The following PRIM2 variants were observed in gnomAD, a reference collection of about 807,000 sequenced individuals.
PRIM2 encodes DNA primase large subunit.
A neutral mutation model predicts 67.3 loss-of-function variants in PRIM2; 39 were observed. The ratio of observed to expected loss-of-function variants is 0.58; its 90% CI spans 0.45 to 0.76. The LOEUF (loss-of-function observed/expected upper bound fraction) is 0.76, where lower values mean the gene tolerates loss of function less well. Ranked by LOEUF, PRIM2 falls within the 30% of genes least tolerant of loss-of-function variation. The pLI, the probability that PRIM2 is intolerant of heterozygous loss-of-function variation, is 0.00. For synonymous variants in PRIM2, 143 were observed against 198.7 expected, an observed-to-expected ratio of 0.72 and a Z score of 2.36; for missense variants, 398 against 598.7, an observed-to-expected ratio of 0.66 and a Z score of 3.50.
chr6:57,496,090 C>T (rs1773998174), intron 7 of PRIM2, among the ~76,000 whole-genome samples: 1 of 152,006 alleles, frequency 6.6e-6, no homozygotes, highest in Non-Finnish European at 1.5e-5. Context: ...TAATGAAAGT[C>T]CAAATTGGGG....
chr6:57,336,806 G>A (rs1455074253), intron 5 of PRIM2, among the ~76,000 whole-genome samples: 10 of 152,108 alleles, frequency 6.6e-5, no homozygotes, highest in South Asian at 2.1e-4. Context: ...ATCAACTAAC[G>A]AGCAAAATAA....
the PRIM2 span, among the ~76,000 whole-genome samples, chr6:57,288,561 TAG>T: frequency 6.6e-6 from 1 of 151,974 alleles, no homozygotes; most frequent in Admixed American, 6.6e-5. Context: ...AGACACCTCA[TAG>T]AGACAGGGGG....
rs558521903 is a variant in PRIM2, at chr6:57,355,365, A to G, written c.460-24536A>G. Among the ~76,000 whole-genome samples, 690 of 152,142 alleles carry G rather than the reference A, an allele frequency of 4.5e-3. 5 individuals carry two copies. Among genetic ancestry groups the G allele is most frequent in the African/African-American group, 0.016 (663 of 41,524 alleles). On this transcript the variant is annotated intron_variant, in intron 5 of 13. Coordinates refer to ENST00000615550, the MANE Select transcript of PRIM2 (RefSeq NM_000947.5). ...AAAAAAGAATATTTAACAGACAGGT[A>G]TGCCACGCTCCCTTTATAGGTTACC...
the PRIM2 span, among the ~76,000 whole-genome samples, chr6:57,301,873 C>A: frequency 2.0e-5 from 3 of 152,172 alleles, no homozygotes; most frequent in African/African-American, 7.2e-5. Flanking sequence ...AATAAACCTG[C>A]AGATTATTAA....
intron 10 of PRIM2, among the ~76,000 whole-genome samples, chr6:57,586,453 T>C (rs1203523444): frequency 6.6e-6 from 1 of 152,142 alleles, no homozygotes; most frequent in Non-Finnish European, 1.5e-5. Context: ...TTATGTTACA[T>C]TTAATGATGG....
chr6:57,359,981 A>G (rs1769144664), intron 5 of PRIM2, among the ~76,000 whole-genome samples: 3 of 152,200 alleles, frequency 2.0e-5, no homozygotes, highest in African/African-American at 7.2e-5. Flanking sequence ...CAGCTTTATT[A>G]TGTTTAGGAC....
intron 5 of PRIM2, among the ~76,000 whole-genome samples, chr6:57,371,676 A>G (rs1020878736): frequency 6.6e-6 from 1 of 152,206 alleles, no homozygotes; most frequent in Non-Finnish European, 1.5e-5. Flanking sequence ...AATTTGAAAT[A>G]TATTTTTATA....
intron 7 of PRIM2, among the ~76,000 whole-genome samples, chr6:57,427,696 G>C (rs1771677971): frequency 1.3e-5 from 2 of 152,196 alleles, no homozygotes; most frequent in Admixed American, 1.3e-4. Context: ...TTTTTTTGGG[G>C]GGAGATTGTT....
chr6:57,591,197 A>T (rs1422143075), intron 10 of PRIM2, among the ~76,000 whole-genome samples: 1 of 152,240 alleles, frequency 6.6e-6, no homozygotes, highest in Non-Finnish European at 1.5e-5. Context: ...ATTTAGTTAC[A>T]TAAGAATTTA....
intron 10 of PRIM2, among the ~76,000 whole-genome samples, chr6:57,574,367 A>G (rs1775923419): frequency 6.6e-6 from 1 of 151,808 alleles, no homozygotes; most frequent in Admixed American, 6.6e-5. Context: ...TGCTTTCACT[A>G]CTATTGCCTC....
Position 57,591,275 on chromosome 6 carries a change from A to T in PRIM2, c.1021-9818A>T, listed in dbSNP as rs1456385268. On this transcript the variant is annotated intron_variant, in intron 10 of 13. Transcript: ENST00000615550. ...TTATTAAAATTATACATTAGACTTT[A>T]AGGTAGTGACTCAAGACAACATAAT... Among the ~76,000 whole-genome samples, 216 of 152,314 alleles carry T rather than the reference A, an allele frequency of 1.4e-3. 2 individuals carry two copies. Among genetic ancestry groups the T allele is most frequent in the African/African-American group, 3.8e-3 (160 of 41,578 alleles).
the PRIM2 span, among the ~76,000 whole-genome samples, chr6:57,280,037 A>G: frequency 6.6e-6 from 1 of 152,334 alleles, no homozygotes; most frequent in Non-Finnish European, 1.5e-5. Flanking sequence ...AGACCAGATA[A>G]CATGAGGCCC....
the PRIM2 span, among the ~76,000 whole-genome samples, chr6:57,290,472 C>G: frequency 6.6e-6 from 1 of 152,164 alleles, no homozygotes; most frequent in Non-Finnish European, 1.5e-5. Context: ...CAAGGATATC[C>G]AGGACTTGAA....
intron 5 of PRIM2, among the ~76,000 whole-genome samples, chr6:57,355,013 AAC>A (rs1768980046): frequency 1.3e-5 from 2 of 152,292 alleles, no homozygotes; most frequent in South Asian, 4.1e-4. Context: ...AAATGGTCAG[AAC>A]ATATCGGGCT....
Position 57,490,853 on chromosome 6 carries a change from C to T in PRIM2, c.694-16534C>T, listed in dbSNP as rs1554345907. 3.7e-3 allele frequency among the ~76,000 whole-genome samples: 559 copies of T among 152,316 alleles called. 3 individuals carry two copies. The highest frequency in any genetic ancestry group is 6.8e-3 in the South Asian group (33 of 4,824). ...CTGGGCTCAAGCGATCCTTTCACCTCGGCCTGCCAGAGTGTTGGGATTACA... is the reference window on the plus strand; with the variant it reads ...CTGGGCTCAAGCGATCCTTTCACCTTGGCCTGCCAGAGTGTTGGGATTACA... On this transcript the variant is annotated intron_variant, in intron 7 of 13. Transcript: ENST00000615550.
the PRIM2 span, among the ~76,000 whole-genome samples, chr6:57,261,529 C>T: frequency 0.02 from 2,987 of 152,258 alleles, 111 homozygotes; most frequent in African/African-American, 0.067. Flanking sequence ...AGAGCGGGGA[C>T]AGGGGATAAA....
upstream of PRIM2, among the ~76,000 whole-genome samples, chr6:57,316,900 CT>C (rs540132037): frequency 6.6e-6 from 1 of 152,232 alleles, no homozygotes; most frequent in Non-Finnish European, 1.5e-5. Flanking sequence ...AGAGCGATTC[CT>C]GCGAATGTGC....
At chr6:57,577,342 G>A (rs1387230969) in intron 10 of PRIM2, among the ~76,000 whole-genome samples, 1 of 152,022 alleles carries the variant, frequency 6.6e-6, no homozygotes, top group Non-Finnish European at 1.5e-5. Context: ...CTGTAAAATA[G>A]GGATATTCAC....
chr6:57,292,733 TG>T, the PRIM2 span, among the ~76,000 whole-genome samples: 3 of 152,144 alleles, frequency 2.0e-5, no homozygotes, highest in Non-Finnish European at 4.4e-5. Flanking sequence ...AAACAAGCAA[TG>T]GGGAAAGGGT....
Sources: allele counts gnomAD v4.1 joint callset (sites outside exome capture counted in the v4.1 genomes callset), GRCh38; gene constraint gnomAD v4.1.1; transcripts MANE v1.5; gene names NCBI Gene and HGNC (gene_info 2026-07-23, HGNC 2026-07-21).